The following GCSH variants were observed in gnomAD, a reference collection of about 807,000 sequenced individuals.
The protein encoded by GCSH is glycine cleavage system H protein, mitochondrial.
Under a neutral mutation model 21.3 loss-of-function variants are expected in GCSH, and 15 were observed. The ratio of observed to expected loss-of-function variants is 0.70; its 90% confidence interval spans 0.47 to 1.08. GCSH has a LOEUF of 1.08. GCSH is among the 50% of genes least tolerant of loss of function. The pLI, the probability that GCSH is intolerant of heterozygous loss-of-function variation, is 0.00. For missense variants in GCSH, 179 were observed against 217.5 expected, an observed-to-expected ratio of 0.82 and a Z score of 1.11; for synonymous variants, 59 against 84.5, an observed-to-expected ratio of 0.70 and a Z score of 1.66.
At chr16:81,095,295 TCTTA>T (rs1972480514) in intron 1 of GCSH, among the ~76,000 whole-genome samples, 1 of 152,070 alleles carries the variant, frequency 6.6e-6, no homozygotes, top group South Asian at 2.1e-4. Context: ...GAAGACTTTA[TCTTA>T]CTTGTTTTGG....
chr16:81,093,187 G>C (rs182751473), intron 1 of GCSH, among the ~76,000 whole-genome samples: 24 of 151,894 alleles, frequency 1.6e-4, no homozygotes, highest in African/African-American at 5.6e-4. Context: ...AGGATTCTGA[G>C]GAAAATAGAT....
chr16:81,091,613 A>G (rs957027288), intron 1 of GCSH, among the ~76,000 whole-genome samples: 3 of 152,194 alleles, frequency 2.0e-5, no homozygotes, highest in African/African-American at 4.8e-5. Context: ...TTTTCTAAAA[A>G]CAATGCAACG....
Position 81,096,190 on chromosome 16 carries a change from G to A in GCSH, c.89C>T (p.Pro30Leu), listed in dbSNP as rs1003539348. 282 of 1,319,148 alleles carry A rather than the reference G, an allele frequency of 2.1e-4. No homozygotes were observed. The highest frequency in any genetic ancestry group is 2.5e-4 in the Non-Finnish European group (258 of 1,039,948). 81.7% of individuals were successfully genotyped at this position (1,319,148 alleles called of 1,614,324 possible). ...GACGGCGCCCACCCCCAGCTGCCAGGGCCTCGGCGGGCAGGGCGCGGCGGG... is the reference window on the plus strand; with the variant it reads ...GACGGCGCCCACCCCCAGCTGCCAGAGCCTCGGCGGGCAGGGCGCGGCGGG... Reference protein sequence around the residue: ...PSPAAPCPPRPWQLGVGAVRT... With the variant: ...PSPAAPCPPRLWQLGVGAVRT... Residue 30 changes from proline to leucine, a missense_variant, in exon 1 of 5, where the codon CCC becomes CTC. Transcript: ENST00000315467.
chr16:81,091,621 A>C (rs1972398201), intron 1 of GCSH, among the ~76,000 whole-genome samples: 2 of 152,194 alleles, frequency 1.3e-5, no homozygotes, highest in African/African-American at 4.8e-5. Context: ...AAACAATGCA[A>C]CGTAAGTTCA....
In GCSH at chr16:81,087,641, A is replaced by G. The variant is rs8177907; in HGVS notation, c.252T>C (p.Tyr84=). Residue 84 remains tyrosine (Y), a synonymous_variant, in exon 3 of 5, where the codon TAT becomes TAC. Coordinates refer to ENST00000315467, the MANE Select transcript of GCSH (RefSeq NM_004483.5). ...TTGTCCCAACTTCAGGGAGACTACA[A>G]TAAACAACATCTCCCAACGCTTCCT... The part of the protein sequence containing the change: ...FAQEALGDVV[Y]CSLPEVGTKL... 8.3e-3 allele frequency: 13,314 copies of G among 1,611,414 alleles called. 573 individuals carry two copies. In the African/African-American group the frequency reaches 0.12, roughly 15 times the overall value.
chr16:81,087,897 G>T (rs912815612), intron 2 of GCSH, among the ~76,000 whole-genome samples: 2 of 152,064 alleles, frequency 1.3e-5, no homozygotes, highest in African/African-American at 4.8e-5. Context: ...GCCCAAAGTG[G>T]GTGTTATCAC....
chr16:81,096,316 G>C lies in GCSH; in HGVS notation c.-38C>G. 7.4e-7 allele frequency: 1 copy of C among 1,344,754 alleles called. No individual in the cohort carries two copies. The highest frequency in any genetic ancestry group is 9.5e-7 in the Non-Finnish European group (1 of 1,052,550). 83.3% of individuals were successfully genotyped at this position (1,344,754 alleles called of 1,614,324 possible). On this transcript the variant is annotated 5_prime_UTR_variant, in exon 1 of 5. Coordinates refer to ENST00000315467, the MANE Select transcript of GCSH (RefSeq NM_004483.5). ...GCGGGGGTCGCAGCGCTACGCCTCG[G>C]CCACCCGCGCCGGGAGGCGGGGCGG...
chr16:81,087,596 C>A lies in GCSH; in HGVS notation c.292+5G>T, dbSNP rs754772719. On this transcript the variant is annotated splice_donor_5th_base_variant and intron_variant, in intron 3 of 4. Transcript: ENST00000315467. ...GGATCATTCTAAGATCCTAAGAACA[C>A]TCACCTTGTTTGTTCAATTTTGTCC... is the stretch of plus-strand genomic sequence containing the variant. 6.3e-7 allele frequency: 1 copy of A among 1,579,006 alleles called. No homozygotes were observed. The highest frequency in any genetic ancestry group is 1.1e-5 in the South Asian group (1 of 90,342).
intron 3 of GCSH, among the ~76,000 whole-genome samples, chr16:81,085,667 GA>G (rs1157717587): frequency 6.6e-6 from 1 of 152,016 alleles, no homozygotes; most frequent in Non-Finnish European, 1.5e-5. Context: ...TCAGTAGTTT[GA>G]AACCAGCCTA....
At chr16:81,094,418 G>C (rs6420419) in intron 1 of GCSH, among the ~76,000 whole-genome samples, 9,151 of 151,354 alleles carry the variant, frequency 0.06, 612 homozygotes, top group East Asian at 0.21. Context: ...GGCAGGAGAA[G>C]TGTTTGAACC....
At chr16:81,091,307 C>A (rs1174356134) in intron 1 of GCSH, 1 of 340,416 alleles carries the variant, frequency 2.9e-6, no homozygotes, top group Non-Finnish European at 5.6e-6. Context: ...ACTACCATCG[C>A]TTAAAGAAGA....
At chr16:81,093,311 G>C (rs1392139471) in intron 1 of GCSH, among the ~76,000 whole-genome samples, 2 of 152,052 alleles carry the variant, frequency 1.3e-5, no homozygotes, top group African/African-American at 4.8e-5. Flanking sequence ...GTAAGCACTG[G>C]ACAACTATAA....
intron 1 of GCSH, among the ~76,000 whole-genome samples, chr16:81,093,116 T>A (rs1240395113): frequency 2.0e-5 from 3 of 147,816 alleles, no homozygotes; most frequent in Non-Finnish European, 4.5e-5. Flanking sequence ...TAGCGAAACT[T>A]CATCTCCAAA....
rs1307409132 is a variant in GCSH at position 81,082,826 on chromosome 16, C to G, written c.*40G>C. ...CACTAATTTAAGACAACTCTGCTGGCTTGCGTTATTTCATACTAGTTTATT... is the reference window on the plus strand; with the variant it reads ...CACTAATTTAAGACAACTCTGCTGGGTTGCGTTATTTCATACTAGTTTATT... On this transcript the variant is annotated 3_prime_UTR_variant, in exon 5 of 5. Transcript: ENST00000315467. The G allele has an allele frequency of 1.1e-6, 1 of 893,122 alleles. No homozygotes were observed. The highest frequency in any genetic ancestry group is 1.7e-5 in the African/African-American group (1 of 58,478). 55.3% of individuals were successfully genotyped at this position (893,122 alleles called of 1,614,324 possible).
In GCSH at chr16:81,087,496, C is replaced by A. The variant is rs8177911; in HGVS notation, c.292+105G>T. ...CTGGGTGACAAAGCAAGACTGTCTCCAAAAAAAAAAAAGCACTCTAATTAA... is the reference window on the plus strand; with the variant it reads ...CTGGGTGACAAAGCAAGACTGTCTCAAAAAAAAAAAAAGCACTCTAATTAA... On this transcript the variant is annotated intron_variant, in intron 3 of 4. Transcript: ENST00000315467. The A allele has an allele frequency of 0.013, 9,541 of 719,938 alleles. 370 individuals carry two copies. The highest frequency in any genetic ancestry group is 0.13 in the African/African-American group (6,523 of 49,814). The allele number at this position is 719,938 out of a possible 1,614,324, so 44.6% of individuals were successfully genotyped here.
chr16:81,090,588 T>A lies in GCSH; in HGVS notation c.228+13A>T. The A allele has an allele frequency of 1.1e-5, 17 of 1,524,972 alleles. No homozygotes were observed. Among genetic ancestry groups the A allele is most frequent in the Non-Finnish European group, 1.5e-5 (17 of 1,099,714 alleles). The allele number at this position is 1,524,972 out of a possible 1,614,324, so 94.5% of individuals were successfully genotyped here. A position where few individuals can be genotyped will look rare whatever the true frequency, so the allele number is the denominator to read the frequency against. On this transcript the variant is annotated intron_variant, in intron 2 of 4. Transcript: ENST00000315467. ...GAGCACACTGGGACAAATATTTCAA[T>A]ATAATCCAATACCTGTGCAAAATTG...
At position 81,091,389 on chromosome 16, in the gene GCSH, C is replaced by G. The variant is rs8177867; in HGVS notation, c.149-709G>C. The G allele has an allele frequency of 2.7e-3, 696 of 255,960 alleles. 7 individuals are homozygous for G. Among genetic ancestry groups the G allele is most frequent in the African/African-American group, 0.015 (637 of 42,866 alleles). 15.9% of individuals were successfully genotyped at this position (255,960 alleles called of 1,614,324 possible). ...TTGGTGGAGAATCAAGCTCTGCTCA[C>G]CACTCACTGGACAGGTTCAGCCCTC... On this transcript the variant is annotated intron_variant, in intron 1 of 4. Transcript: ENST00000315467.
rs1475935873 is a variant in GCSH, at chr16:81,082,930, G to A, written c.458C>T (p.Ser153Leu). 1.9e-6 allele frequency: 3 copies of A among 1,567,838 alleles called. No homozygotes were observed. The East Asian group carries it at 6.7e-5, about 35-fold the overall frequency. Residue 153 changes from serine (S) to leucine (L), a missense_variant, in exon 5 of 5, where the codon TCA (serine) becomes TTA (leucine). Physicochemically the swap from Ser to Leu is moderately radical, Grantham distance 145. Transcript: ENST00000315467. Reference sequence around the variant, plus strand: ...TTCACTCATAAGTTCATCTAGTTCTGAAGGGTTACTCAGTGTCATCTTGAT... The same window carrying A: ...TTCACTCATAAGTTCATCTAGTTCTAAAGGGTTACTCAGTGTCATCTTGAT... ...WLIKMTLSNP[S>L]ELDELMSEEA...
chr16:81,082,555 A>T lies in GCSH; in HGVS notation c.*311T>A, dbSNP rs1972189101. On this transcript the variant is annotated 3_prime_UTR_variant, in exon 5 of 5. Transcript: ENST00000315467. ...AAGTTACAATATTATATAAGGCTTA[A>T]GAATAACAATGTTATCTTTGAATTA... The T allele has an allele frequency of 2.9e-6, 1 of 342,282 alleles. No individual in the cohort carries two copies. Among genetic ancestry groups the T allele is most frequent in the Admixed American group, 4.6e-5 (1 of 21,902 alleles). 21.2% of individuals were successfully genotyped at this position (342,282 alleles called of 1,614,324 possible).
Sources: allele counts gnomAD v4.1 joint callset (sites outside exome capture counted in the v4.1 genomes callset), GRCh38; gene constraint gnomAD v4.1.1; transcripts MANE v1.5; gene names NCBI Gene and HGNC (gene_info 2026-07-23, HGNC 2026-07-21).